BTG4: variants seen among roughly 807,000 people sequenced by gnomAD.
BTG4 encodes the protein protein BTG4.
A neutral mutation model predicts 19.3 loss-of-function variants in BTG4; 10 were observed. The observed-to-expected ratio is 0.52, with a 90% CI of 0.32 to 0.88. The LOEUF (loss-of-function observed/expected upper bound fraction) is 0.88. Ranked by LOEUF, BTG4 falls within the 40% of genes least tolerant of loss-of-function variation. The pLI, the probability that BTG4 is intolerant of heterozygous loss-of-function variation, is 0.04. For missense variants in BTG4, 238 were observed against 281.9 expected (o/e 0.84, Z 1.11); for synonymous variants, 91 against 95.7 (o/e 0.95, Z 0.29).
chr11:111,488,167 C>A (rs1865182980), intron 5 of BTG4, among the ~76,000 whole-genome samples: 1 of 152,010 alleles, frequency 6.6e-6, no homozygotes. Flanking sequence ...CAAAAAAGAG[C>A]AAAACTGAAG....
chr11:111,512,435 C>T (rs917367698), upstream of BTG4: 2 of 152,172 alleles, frequency 1.3e-5, no homozygotes, highest in South Asian at 2.1e-4. Context: ...CCCGCCCCGC[C>T]CCTCGGCCCG....
At chr11:111,403,086 C>T in the BTG4 span, among the ~76,000 whole-genome samples, 2 of 152,128 alleles carry the variant, frequency 1.3e-5, no homozygotes, top group East Asian at 3.9e-4. Context: ...TATGTGGGCC[C>T]CAAGAGTCAC....
chr11:111,435,640 G>T, the BTG4 span, among the ~76,000 whole-genome samples: 1 of 152,198 alleles, frequency 6.6e-6, no homozygotes, highest in Non-Finnish European at 1.5e-5. Context: ...CAGGTTTGTG[G>T]ACACTCGTGC....
chr11:111,447,564 T>C, the BTG4 span, among the ~76,000 whole-genome samples: 1 of 152,078 alleles, frequency 6.6e-6, no homozygotes, highest in African/African-American at 2.4e-5. Flanking sequence ...CTAAGCCCAG[T>C]TATGCACACG....
chr11:111,500,693 G>A lies in BTG4; in HGVS notation c.-26-1891C>T, dbSNP rs543890567. Among the ~76,000 whole-genome samples the A allele has an allele frequency of 8.4e-4, 124 of 147,702 alleles. 1 individual carries two copies. Among genetic ancestry groups the A allele is most frequent in the African/African-American group, 2.9e-3 (116 of 40,564 alleles). On this transcript the variant is annotated intron_variant, in intron 1 of 4. Transcript: ENST00000692032. The stretch of plus-strand genomic sequence containing the variant: ...TGAGTAATCCTCTTTTTTTTTTCCA[G>A]CTTGCACACAATGCTCCAGGTGTGC...
In BTG4 at chr11:111,505,822, C is replaced by T. The variant is rs1223374025; in HGVS notation, c.-27+6359G>A. Among the ~76,000 whole-genome samples the T allele has an allele frequency of 7.2e-5, 11 of 152,094 alleles. No homozygotes were observed. In the East Asian group the frequency reaches 1.5e-3, roughly 21 times the overall value. ...TTGAAAATGGGGCAAAGAACATGAA[C>T]AGACATTTCTCAGAAGAAGAAATAC... is the stretch of plus-strand genomic sequence containing the variant. On this transcript the variant is annotated intron_variant, in intron 1 of 4. Transcript: ENST00000692032.
chr11:111,442,546 C>CACACATACACA, the BTG4 span, among the ~76,000 whole-genome samples: 81 of 141,678 alleles, frequency 5.7e-4, 1 homozygote, highest in East Asian at 0.015. Context: ...ACACACACAC[C>CACACATACACA]AGATGAGCCT....
chr11:111,419,088 G>A, the BTG4 span, among the ~76,000 whole-genome samples: 2 of 152,150 alleles, frequency 1.3e-5, no homozygotes, highest in Non-Finnish European at 2.9e-5. Context: ...TTGGATTAGG[G>A]CCTACTCATA....
chr11:111,418,139 T>C, the BTG4 span: 1 of 152,342 alleles, frequency 6.6e-6, no homozygotes, highest in Admixed American at 6.5e-5. Flanking sequence ...TGATTTTGCA[T>C]ATCATAAAAC....
downstream of BTG4, chr11:111,464,658 A>T (rs1281800243): frequency 6.6e-6 from 1 of 152,240 alleles, no homozygotes; most frequent in Non-Finnish European, 1.5e-5. Flanking sequence ...TTGCAAAAAT[A>T]AGTGTATCAC....
At chr11:111,487,846 G>C (rs557375286) in intron 5 of BTG4, among the ~76,000 whole-genome samples, 67 of 152,104 alleles carry the variant, frequency 4.4e-4, no homozygotes, top group Non-Finnish European at 8.5e-4. Context: ...AAACCAAGAA[G>C]CTACTCCCAT....
the BTG4 span, among the ~76,000 whole-genome samples, chr11:111,442,635 G>A: frequency 1.3e-5 from 2 of 151,170 alleles, no homozygotes; most frequent in East Asian, 1.9e-4. Context: ...ACAATCATGA[G>A]GTATGTCCAA....
At chr11:111,514,652 G>A, upstream of BTG4, 3 of 673,580 alleles carry the variant, frequency 4.5e-6, no homozygotes, top group East Asian at 2.8e-5. Context: ...GCGCGTGGCG[G>A]ATCCCAACAC....
At chr11:111,502,380 A>C (rs1312604191) in intron 1 of BTG4, among the ~76,000 whole-genome samples, 2 of 152,166 alleles carry the variant, frequency 1.3e-5, no homozygotes, top group Non-Finnish European at 2.9e-5. Context: ...TAAGATAGAT[A>C]CCGCCTTAGC....
chr11:111,441,721 TGGTTGAC>T, the BTG4 span, among the ~76,000 whole-genome samples: 1 of 152,252 alleles, frequency 6.6e-6, no homozygotes, highest in African/African-American at 2.4e-5. Context: ...GAAACCCCCA[TGGTTGAC>T]GGGCAGGGGA....
chr11:111,397,981 C>T, the BTG4 span: 4 of 152,140 alleles, frequency 2.6e-5, no homozygotes, highest in Admixed American at 2.6e-4. Context: ...ATTAACTTCC[C>T]CTACCACAAC....
intron 5 of BTG4, among the ~76,000 whole-genome samples, chr11:111,482,406 A>G (rs1164463374): frequency 6.6e-6 from 1 of 152,124 alleles, no homozygotes; most frequent in African/African-American, 2.4e-5. Flanking sequence ...GGGTGAATAC[A>G]ATTCCTTTCA....
the BTG4 span, chr11:111,385,418 C>T: frequency 2.0e-5 from 3 of 152,086 alleles, no homozygotes; most frequent in African/African-American, 7.2e-5. Flanking sequence ...CTTTAAAGAG[C>T]CAATCATGTA....
the BTG4 span, among the ~76,000 whole-genome samples, chr11:111,459,970 C>T: frequency 6.6e-6 from 1 of 152,128 alleles, no homozygotes. Flanking sequence ...ACCCCAGGAC[C>T]ATAAATCATG....
Sources: allele counts gnomAD v4.1 joint callset (sites outside exome capture counted in the v4.1 genomes callset), GRCh38; gene constraint gnomAD v4.1.1; transcripts MANE v1.5; gene names NCBI Gene and HGNC (gene_info 2026-07-23, HGNC 2026-07-21).